Variants in ITGB6 observed in about 807,000 individuals in gnomAD.
ITGB6 encodes integrin subunit beta 6, also known as integrin beta-6.
A neutral mutation model predicts 84.5 loss-of-function variants in ITGB6; 80 were observed. The observed-to-expected ratio is 0.95, with a 90% confidence interval of 0.79 to 1.14. ITGB6 has a LOEUF of 1.14. ITGB6 is among the 50% of genes most tolerant of loss of function. The probability of loss-of-function intolerance (pLI) is 0.00; values close to 1 mark genes in which losing one functional copy is unlikely to be tolerated. For synonymous variants in ITGB6, 383 were observed against 354.9 expected (o/e 1.08, Z -0.89); for missense variants, 1,006 against 968.0 (o/e 1.04, Z -0.52).
Position 160,112,088 on chromosome 2 carries a change from T to C in ITGB6, c.2093A>G (p.Asn698Ser), listed in dbSNP as rs577005383. ...GAAGGCAAAACACCCACCTTTTTCA[T>C]TGATGCTGTGAATGATGGTTTTCCC... is the stretch of plus-strand genomic sequence containing the variant. ...NEGKTIIHSI[N>S]EKDCPKPPNI... Residue 698 changes from asparagine (N) to serine (S), a missense_variant, in exon 13 of 15, where the codon AAT becomes AGT. Asn to Ser is a conservative substitution (Grantham distance 46). Coordinates refer to ENST00000283249, the MANE Select transcript of ITGB6 (RefSeq NM_000888.5). 6.3e-5 allele frequency: 101 copies of C among 1,612,630 alleles called. 1 individual carries two copies. The highest frequency in any genetic ancestry group is 4.7e-4 in the Admixed American group (28 of 59,464).
At chr2:160,117,070 C>T (rs370467923) in intron 12 of ITGB6, among the ~76,000 whole-genome samples, 1 of 150,766 alleles carries the variant, frequency 6.6e-6, no homozygotes, top group Non-Finnish European at 1.5e-5. Context: ...TAATGGGAGA[C>T]TTTAACACCC....
At chr2:160,122,184 A>G (rs964663272) in intron 12 of ITGB6, among the ~76,000 whole-genome samples, 6 of 152,174 alleles carry the variant, frequency 3.9e-5, no homozygotes, top group Non-Finnish European at 7.3e-5. Flanking sequence ...TGAGTTACAA[A>G]TAATTGTATC....
intron 4 of ITGB6, among the ~76,000 whole-genome samples, chr2:160,182,805 C>T (rs1685737718): frequency 6.6e-6 from 1 of 152,166 alleles, no homozygotes; most frequent in African/African-American, 2.4e-5. Flanking sequence ...CTGCAGAAAC[C>T]CTACAAGCCA....
chr2:160,188,718 C>T (rs982888504), intron 4 of ITGB6, among the ~76,000 whole-genome samples: 2 of 152,066 alleles, frequency 1.3e-5, no homozygotes, highest in African/African-American at 4.8e-5. Context: ...ATTCTCCTGC[C>T]TCAGCCTCCT....
At position 160,126,459 on chromosome 2, in the gene ITGB6, C is replaced by A; in HGVS notation, c.1803G>T (p.Lys601Asn). 6.2e-7 allele frequency: 1 copy of A among 1,614,204 alleles called. No individual in the cohort carries two copies. The highest frequency in any genetic ancestry group is 8.5e-7 in the Non-Finnish European group (1 of 1,180,026). ...CSGRGDCVCG[K>N]CVCTNPGASG... ...AGGCTCCAGGGTTTGTGCAAACACA[C>A]TTGCCACAAACACAGTCCCCGCGCC... is the stretch of plus-strand genomic sequence containing the variant. Residue 601 changes from lysine (K) to asparagine (N), a missense_variant, in exon 11 of 15, where the codon AAG becomes AAT. Transcript: ENST00000283249.
rs747631436 is a variant in ITGB6, at chr2:160,195,489, C to T, written c.473G>A (p.Arg158Gln). ...TAATTTAGACATCTCTTTGGAAAGC[C>T]GGGAGCCCAGCTCCTTTATTGTGTT... Reference protein sequence around the residue: ...DLNTIKELGSRLSKEMSKLTS... With the variant: ...DLNTIKELGSQLSKEMSKLTS... The change falls in exon 4 of 15, where the codon CGG becomes CAG. Residue 158 changes from arginine to glutamine, a missense_variant. Arg to Gln is a conservative substitution (Grantham distance 43, BLOSUM62 1). Transcript: ENST00000283249. The T allele has an allele frequency of 1.5e-5, 25 of 1,614,032 alleles. No homozygotes were observed. Among genetic ancestry groups the T allele is most frequent in the African/African-American group, 8.0e-5 (6 of 74,896 alleles).
chr2:160,171,479 C>T (rs1276698534), intron 6 of ITGB6, among the ~76,000 whole-genome samples: 4 of 152,108 alleles, frequency 2.6e-5, no homozygotes, highest in South Asian at 2.1e-4. Flanking sequence ...GGACTACAGG[C>T]GCCCACCACC....
At chr2:160,106,453 C>T (rs1030375867) in intron 14 of ITGB6, among the ~76,000 whole-genome samples, 3 of 152,052 alleles carry the variant, frequency 2.0e-5, no homozygotes, top group Non-Finnish European at 4.4e-5. Flanking sequence ...TTGCCCAACT[C>T]GAACTCCTGA....
intron 12 of ITGB6, 120 bp downstream of exon 12, chr2:160,123,671 C>A (rs79256056): frequency 0.027 from 18,502 of 687,396 alleles, 453 homozygotes; most frequent in South Asian, 0.077. Context: ...TGTGAGTGAG[C>A]TAATGCCCTG....
intron 10 of ITGB6, among the ~76,000 whole-genome samples, chr2:160,134,954 A>T (rs1683642581): frequency 6.6e-6 from 1 of 152,192 alleles, no homozygotes; most frequent in Admixed American, 6.5e-5. Context: ...TATCATACTG[A>T]ATGGGCAAAA....
At chr2:160,199,127 T>C in intron 2 of ITGB6, 52 bp downstream of exon 2, 1 of 1,413,458 alleles carries the variant, frequency 7.1e-7, no homozygotes, top group Non-Finnish European at 1.0e-6. Context: ...GAAATTAACA[T>C]GAATTTAACT....
intron 4 of ITGB6, among the ~76,000 whole-genome samples, chr2:160,184,033 A>T (rs757495723): frequency 5.3e-5 from 8 of 152,244 alleles, no homozygotes; most frequent in Non-Finnish European, 8.8e-5. Flanking sequence ...AGTGGGAAAG[A>T]TCTAACATCG....
intron 4 of ITGB6, chr2:160,179,015 T>C (rs1382570276): frequency 3.9e-5 from 6 of 152,182 alleles, no homozygotes; most frequent in Admixed American, 2.6e-4. Flanking sequence ...ATTTTGTTGT[T>C]ACTTTCTTAG....
intron 7 of ITGB6, among the ~76,000 whole-genome samples, chr2:160,157,010 A>G (rs1448199902): frequency 6.6e-6 from 1 of 152,150 alleles, no homozygotes; most frequent in African/African-American, 2.4e-5. Flanking sequence ...GGAGGCTGGA[A>G]GTCTGAGCTC....
chr2:160,159,043 G>A (rs548130772), intron 7 of ITGB6, among the ~76,000 whole-genome samples: 1 of 151,372 alleles, frequency 6.6e-6, no homozygotes, highest in Non-Finnish European at 1.5e-5. Flanking sequence ...AGATTGCAGT[G>A]AGCTGAGATC....
At chr2:160,179,441 T>C (rs1685572314) in intron 4 of ITGB6, among the ~76,000 whole-genome samples, 1 of 149,292 alleles carries the variant, frequency 6.7e-6, no homozygotes, top group South Asian at 2.1e-4. Flanking sequence ...CAGGCTGGAA[T>C]GCGGTGGTGC....
intron 14 of ITGB6, among the ~76,000 whole-genome samples, chr2:160,106,929 C>T (rs1354709513): frequency 6.6e-6 from 1 of 152,088 alleles, no homozygotes; most frequent in Non-Finnish European, 1.5e-5. Context: ...CTGTTAGATA[C>T]CTGGACACAC....
chr2:160,177,118 G>A (rs1685448320), intron 4 of ITGB6, among the ~76,000 whole-genome samples: 1 of 151,874 alleles, frequency 6.6e-6, no homozygotes, highest in African/African-American at 2.4e-5. Flanking sequence ...AACTATACTA[G>A]TTGATTAGCA....
chr2:160,100,746 G>C lies in ITGB6; in HGVS notation c.*990C>G, dbSNP rs1696684739. On this transcript the variant is annotated 3_prime_UTR_variant, in exon 15 of 15. Coordinates refer to ENST00000283249, the MANE Select transcript of ITGB6 (RefSeq NM_000888.5). ...GTTGGGTTACATAGATGGGAAAAGA[G>C]TATGTATTAAAAAGCCTTTAAGACT... 6.6e-6 allele frequency: 1 copy of C among 152,202 alleles called. No homozygotes were observed. The highest frequency in any genetic ancestry group is 1.5e-5 in the Non-Finnish European group (1 of 68,032). 9.4% of individuals were successfully genotyped at this position (152,202 alleles called of 1,614,324 possible).
Sources: gnomAD v4.1 joint callset for allele counts (sites outside exome capture counted in the v4.1 genomes callset) on GRCh38, gnomAD v4.1.1 for gene constraint, MANE v1.5 for transcripts, NCBI Gene and HGNC (gene_info 2026-07-23, HGNC 2026-07-21) for gene names.